CYTH1: variants seen among roughly 807,000 people sequenced by gnomAD.
CYTH1 encodes cytohesin-1.
A neutral mutation model predicts 61.8 loss-of-function variants in CYTH1; 18 were observed. The ratio of observed to expected loss-of-function variants is 0.29; its 90% confidence interval spans 0.20 to 0.43. The LOEUF (loss-of-function observed/expected upper bound fraction) is 0.43, where lower values mean the gene tolerates loss of function less well. Among genes scored for constraint, CYTH1 ranks in the 20% least tolerant of loss-of-function variants. The pLI is 1.00. For synonymous variants in CYTH1, 174 were observed against 184.3 expected, an observed-to-expected ratio of 0.94 and a Z score of 0.45; for missense variants, 336 against 510.5, an observed-to-expected ratio of 0.66 and a Z score of 3.29.
intron 1 of CYTH1, among the ~76,000 whole-genome samples, chr17:78,730,565 A>T (rs1420683885): frequency 1.3e-5 from 2 of 152,022 alleles, no homozygotes; most frequent in Non-Finnish European, 2.9e-5. Context: ...ACTGACTCAA[A>T]AAAAGAAATT....
At chr17:78,749,263 C>T (rs1415257029) in intron 1 of CYTH1, among the ~76,000 whole-genome samples, 3 of 152,090 alleles carry the variant, frequency 2.0e-5, no homozygotes. Context: ...AGTTCAAGAC[C>T]AGCCTGGTCA....
At chr17:78,691,426 A>T (rs1319427202) in intron 11 of CYTH1, 1 of 152,244 alleles carries the variant, frequency 6.6e-6, no homozygotes, top group African/African-American at 2.4e-5. Context: ...CTTGGTCCTA[A>T]ATAAGTGACT....
chr17:78,747,145 C>CAAAAAAAAAAAA (rs56201341), intron 1 of CYTH1, among the ~76,000 whole-genome samples: 11 of 57,824 alleles, frequency 1.9e-4, no homozygotes, highest in Admixed American at 2.7e-4. Context: ...ATGGCAGCGC[C>CAAAAAAAAAAAA]AAAAAAAAAA....
chr17:78,690,961 G>C (rs1016058147), intron 11 of CYTH1, among the ~76,000 whole-genome samples: 1 of 152,232 alleles, frequency 6.6e-6, no homozygotes. Context: ...GTTAGTGTAG[G>C]TGTCTTCAGA....
At chr17:78,697,325 C>A (rs1332589347) in intron 9 of CYTH1, among the ~76,000 whole-genome samples, 1,119 of 94,706 alleles carry the variant, frequency 0.012, no homozygotes, top group Admixed American at 0.014. Flanking sequence ...TGCTAGTGTC[C>A]AAAAAAAAAA....
intron 1 of CYTH1, among the ~76,000 whole-genome samples, chr17:78,726,831 G>A (rs904797293): frequency 2.0e-5 from 3 of 152,204 alleles, no homozygotes; most frequent in Admixed American, 1.3e-4. Context: ...GAAGCTTTGC[G>A]TAGTCTTCAC....
intron 1 of CYTH1, 58 bp downstream of exon 1, chr17:78,782,144 G>A: frequency 2.4e-6 from 3 of 1,270,828 alleles, no homozygotes; most frequent in Admixed American, 3.5e-5. Context: ...GGACGGCCGG[G>A]CCCGGAGGGG....
Position 78,702,095 on chromosome 17 carries a change from G to C in CYTH1, c.356+27C>G, listed in dbSNP as rs372035387. ...TGTCGTTCCTGAACAGCCTTCCCTA[G>C]CATGCGCATAATCCCCAAGGCCTTA... On this transcript the variant is annotated intron_variant, in intron 5 of 13. Coordinates refer to ENST00000446868, the MANE Select transcript of CYTH1 (RefSeq NM_004762.6). 3 of 1,534,386 alleles carry C rather than the reference G, an allele frequency of 2.0e-6. No individual in the cohort carries two copies. In the African/African-American group the frequency reaches 4.1e-5, roughly 21 times the overall value.
At chr17:78,731,073 T>C (rs960158463) in intron 1 of CYTH1, among the ~76,000 whole-genome samples, 1 of 152,154 alleles carries the variant, frequency 6.6e-6, no homozygotes, top group African/African-American at 2.4e-5. Flanking sequence ...TTTCCCCTAG[T>C]GTATTACCTA....
intron 9 of CYTH1, chr17:78,696,832 G>C (rs2144237667): frequency 6.6e-6 from 1 of 152,298 alleles, no homozygotes; most frequent in African/African-American, 2.4e-5. Flanking sequence ...TCGCTGTAGG[G>C]GGAAGTAAAT....
At chr17:78,687,340 A>G (rs2092827182) in intron 11 of CYTH1, among the ~76,000 whole-genome samples, 1 of 152,158 alleles carries the variant, frequency 6.6e-6, no homozygotes, top group Non-Finnish European at 1.5e-5. Flanking sequence ...TTGGGCGTGG[A>G]AGCAGGCTTT....
chr17:78,755,237 G>A (rs1287127847), intron 1 of CYTH1, among the ~76,000 whole-genome samples: 4 of 152,046 alleles, frequency 2.6e-5, no homozygotes, highest in East Asian at 1.9e-4. Flanking sequence ...GTGCAATAGC[G>A]CAATCTCAGC....
chr17:78,705,728 G>A (rs1024510660), intron 3 of CYTH1, among the ~76,000 whole-genome samples: 5 of 152,016 alleles, frequency 3.3e-5, no homozygotes, highest in African/African-American at 7.3e-5. Flanking sequence ...TTTCGATACC[G>A]GAAAACCATT....
At chr17:78,702,395 A>G in intron 4 of CYTH1, 143 bp downstream of exon 4, 1 of 1,038,720 alleles carries the variant, frequency 9.6e-7, no homozygotes, top group African/African-American at 1.6e-5. Context: ...CAGTTTAGGA[A>G]CAAGGGCTTA....
At position 78,712,110 on chromosome 17, in the gene CYTH1, AAGGG is replaced by A. The variant is rs766422376; in HGVS notation, c.23-2382_23-2379del. ...GAAAGAAGGAAAGAAGGAAGGAAGG[AAGGG>A]AGGAAGGAAGGGAGGGAGGAAGGAA... is the stretch of plus-strand genomic sequence containing the variant. On this transcript the variant is annotated intron_variant, in intron 1 of 13. Coordinates refer to ENST00000446868, the MANE Select transcript of CYTH1 (RefSeq NM_004762.6). Among the ~76,000 whole-genome samples, 3 of 127,480 alleles carry A rather than the reference AAGGG, an allele frequency of 2.4e-5. No homozygotes were observed. The East Asian group carries it at 9.1e-4, about 39-fold the overall frequency. The allele number at this position is 127,480 out of a possible 152,430, so 83.6% of individuals were successfully genotyped here.
intron 11 of CYTH1, among the ~76,000 whole-genome samples, chr17:78,682,164 C>T (rs2092771178): frequency 6.6e-6 from 1 of 152,102 alleles, no homozygotes; most frequent in African/African-American, 2.4e-5. Context: ...TCTCTTCCGA[C>T]CTGTGCCATA....
At position 78,764,689 on chromosome 17, in the gene CYTH1, G is replaced by A. The variant is rs112762350; in HGVS notation, c.22+17513C>T. Among the ~76,000 whole-genome samples, 402 of 152,238 alleles carry A rather than the reference G, an allele frequency of 2.6e-3. 3 individuals carry two copies. The highest frequency in any genetic ancestry group is 9.2e-3 in the African/African-American group (381 of 41,548). Reference sequence around the variant, plus strand: ...TTAACTGCAACTCCCAAGTTTCCATGAGCAATTTCAGTGACCTTTGTTTCT... The same window carrying A: ...TTAACTGCAACTCCCAAGTTTCCATAAGCAATTTCAGTGACCTTTGTTTCT... On this transcript the variant is annotated intron_variant, in intron 1 of 13. Coordinates refer to ENST00000446868, the MANE Select transcript of CYTH1 (RefSeq NM_004762.6).
rs1272267652 is a variant in CYTH1, at chr17:78,717,784, TC to T, written c.23-8053del. ...CATAGCAGCTGCCAGGACCACACTG[TC>T]CTAAATCCCCGTGGGTACCGTCAAA... On this transcript the variant is annotated intron_variant, in intron 1 of 13. Transcript: ENST00000446868. This position sits in a 1 kb window ranked among gnomAD's most constrained non-coding sequence, Gnocchi z 4.4. Among the ~76,000 whole-genome samples the T allele has an allele frequency of 3.3e-4, 51 of 152,248 alleles. No homozygotes were observed. The highest frequency in any genetic ancestry group is 2.9e-3 in the Admixed American group (44 of 15,290).
At chr17:78,681,944 A>G (rs2144034256) in intron 11 of CYTH1, among the ~76,000 whole-genome samples, 1 of 152,270 alleles carries the variant, frequency 6.6e-6, no homozygotes, top group East Asian at 1.9e-4. Context: ...AACTTCTTCA[A>G]GCCAACCTGC....
Sources: allele counts gnomAD v4.1 joint callset (sites outside exome capture counted in the v4.1 genomes callset), GRCh38; gene constraint gnomAD v4.1.1; non-coding constraint Gnocchi (gnomAD v3.1); transcripts MANE v1.5; gene names NCBI Gene and HGNC (gene_info 2026-07-23, HGNC 2026-07-21).